The following GSK3B variants were observed in gnomAD, a reference collection of about 807,000 sequenced individuals.
GSK3B encodes glycogen synthase kinase 3 beta.
Under a neutral mutation model 56.4 loss-of-function variants are expected in GSK3B, and 15 were observed. That is an observed-to-expected ratio of 0.27 (90% CI 0.18 to 0.41). The LOEUF (loss-of-function observed/expected upper bound fraction) is 0.41. Ranked by LOEUF, GSK3B falls within the 10% of genes least tolerant of loss-of-function variation. The probability of loss-of-function intolerance (pLI) is 1.00; values close to 1 mark genes in which losing one functional copy is unlikely to be tolerated. For synonymous variants in GSK3B, 181 were observed against 188.9 expected, an observed-to-expected ratio of 0.96 and a Z score of 0.34; for missense variants, 300 against 513.4, an observed-to-expected ratio of 0.58 and a Z score of 4.02.
chr3:119,856,938 C>T lies in GSK3B; in HGVS notation c.1096+6481G>A, dbSNP rs770970211. Among the ~76,000 whole-genome samples the T allele has an allele frequency of 2.6e-4, 39 of 152,110 alleles. 1 individual carries two copies. Among genetic ancestry groups the T allele is most frequent in the Admixed American group, 4.6e-4 (7 of 15,282 alleles). On this transcript the variant is annotated intron_variant, in intron 9 of 10. Coordinates refer to ENST00000264235, the MANE Select transcript of GSK3B (RefSeq NM_001146156.2). ...CTACAGATTCAGTTTTAGACCACTACAATAAAGTGAGTCACGCAAATGTTT... is the reference window on the plus strand; with the variant it reads ...CTACAGATTCAGTTTTAGACCACTATAATAAAGTGAGTCACGCAAATGTTT...
rs371567466 is a variant in GSK3B at position 120,026,358 on chromosome 3, G to C, written c.89-24119C>G. Among the ~76,000 whole-genome samples the C allele has an allele frequency of 1.9e-4, 29 of 152,242 alleles. No individual in the cohort carries two copies. The South Asian group carries it at 5.8e-3, about 30-fold the overall frequency. On this transcript the variant is annotated intron_variant, in intron 1 of 10. Transcript: ENST00000264235. ...GAGCAGCGAAACAAAGGATACGGGA[G>C]AGAACTGAGGTAGTTTATAATCTAT...
At chr3:120,079,757 C>T (rs1424931236) in intron 1 of GSK3B, among the ~76,000 whole-genome samples, 1 of 152,074 alleles carries the variant, frequency 6.6e-6, no homozygotes, top group African/African-American at 2.4e-5. Flanking sequence ...TGATGTTCAA[C>T]TGAATTTAAA....
chr3:119,879,852 T>C (rs1455594955), intron 7 of GSK3B, among the ~76,000 whole-genome samples: 1 of 152,208 alleles, frequency 6.6e-6, no homozygotes, highest in Non-Finnish European at 1.5e-5. Context: ...TCTTTATCCA[T>C]TCATGAAGTG....
rs375821372 is a variant in GSK3B at position 120,070,011 on chromosome 3, G to A, written c.88+23336C>T. Reference sequence around the variant, plus strand: ...GGGTGGATCATGAGGTCAAGAGATCGAGACCATCCTGGCCAAAATGGCGAA... The same window carrying A: ...GGGTGGATCATGAGGTCAAGAGATCAAGACCATCCTGGCCAAAATGGCGAA... On this transcript the variant is annotated intron_variant, in intron 1 of 10. Transcript: ENST00000264235. Among the ~76,000 whole-genome samples, 76 of 152,158 alleles carry A rather than the reference G, an allele frequency of 5.0e-4. 1 individual carries two copies. In the East Asian group the frequency reaches 0.011, roughly 22 times the overall value.
At chr3:120,076,792 C>T (rs994366152) in intron 1 of GSK3B, among the ~76,000 whole-genome samples, 21 of 114,348 alleles carry the variant, frequency 1.8e-4, no homozygotes, top group South Asian at 3.1e-4. Flanking sequence ...CCAGCCTGGG[C>T]GACAGAGCGA....
At position 120,068,129 on chromosome 3, in the gene GSK3B, AT is replaced by A. The variant is rs2058295088; in HGVS notation, c.88+25217del. 2.0e-5 allele frequency among the ~76,000 whole-genome samples: 3 copies of A among 152,284 alleles called. No homozygotes were observed. In the South Asian group the frequency reaches 6.2e-4, roughly 32 times the overall value. On this transcript the variant is annotated intron_variant, in intron 1 of 10. Coordinates refer to ENST00000264235, the MANE Select transcript of GSK3B (RefSeq NM_001146156.2). ...TATTTGGGGCCAGGCGCGGTGGCTC[AT>A]GCCTGTAATCTCAGCACTTTGGGAG... is the stretch of plus-strand genomic sequence containing the variant.
chr3:120,061,517 GT>G (rs2058236540), intron 1 of GSK3B, among the ~76,000 whole-genome samples: 1 of 152,128 alleles, frequency 6.6e-6, no homozygotes, highest in Non-Finnish European at 1.5e-5. Context: ...CCACAGGAGT[GT>G]TAAGAAGATT....
At chr3:120,064,647 TG>T (rs2058265009) in intron 1 of GSK3B, among the ~76,000 whole-genome samples, 1 of 151,998 alleles carries the variant, frequency 6.6e-6, no homozygotes, top group Non-Finnish European at 1.5e-5. Context: ...TCTGCAGAAA[TG>T]AAAAAGGCAA....
chr3:120,032,769 C>A (rs898542391), intron 1 of GSK3B, among the ~76,000 whole-genome samples: 10 of 152,370 alleles, frequency 6.6e-5, no homozygotes, highest in Admixed American at 1.3e-4. Flanking sequence ...TTTATAACAT[C>A]TCATGTTAGT....
intron 1 of GSK3B, among the ~76,000 whole-genome samples, chr3:120,078,371 G>A (rs990294540): frequency 1.3e-5 from 2 of 152,044 alleles, no homozygotes; most frequent in African/African-American, 2.4e-5. Context: ...ACACAGTGCC[G>A]GAAGACAATC....
At chr3:120,090,497 A>AACAATAACTTG (rs2058502457) in intron 1 of GSK3B, among the ~76,000 whole-genome samples, 1 of 152,186 alleles carries the variant, frequency 6.6e-6, no homozygotes, top group Non-Finnish European at 1.5e-5. Context: ...TTAACAATAT[A>AACAATAACTTG]ACTTAGCAGT....
At chr3:120,032,956 CCAAT>C (rs2057990673) in intron 1 of GSK3B, among the ~76,000 whole-genome samples, 3 of 152,304 alleles carry the variant, frequency 2.0e-5, no homozygotes, top group South Asian at 4.1e-4. Context: ...AACCATCACC[CCAAT>C]CAATTTCATT....
At chr3:120,079,178 C>T (rs1455286572) in intron 1 of GSK3B, among the ~76,000 whole-genome samples, 8 of 149,406 alleles carry the variant, frequency 5.4e-5, no homozygotes, top group East Asian at 2.0e-4. Flanking sequence ...CTGACCTCAG[C>T]GATCCGCCCC....
chr3:119,967,311 CATG>C (rs982479302), intron 2 of GSK3B, among the ~76,000 whole-genome samples: 1 of 152,260 alleles, frequency 6.6e-6, no homozygotes, highest in African/African-American at 2.4e-5. Flanking sequence ...CTCCTGATCT[CATG>C]ATATGTCCGC....
At chr3:119,868,357 A>C (rs1186760947) in intron 8 of GSK3B, among the ~76,000 whole-genome samples, 1 of 152,246 alleles carries the variant, frequency 6.6e-6, no homozygotes, top group Non-Finnish European at 1.5e-5. Flanking sequence ...GAACAAATGC[A>C]AAGAAGTCCT....
intron 1 of GSK3B, among the ~76,000 whole-genome samples, chr3:120,043,921 A>T (rs538660047): frequency 6.6e-5 from 10 of 152,364 alleles, no homozygotes; most frequent in Non-Finnish European, 1.0e-4. Context: ...GTAGAAGCAG[A>T]TGATCTAAGG....
intron 1 of GSK3B, among the ~76,000 whole-genome samples, chr3:120,091,713 T>C (rs1340299185): frequency 2.0e-5 from 3 of 152,078 alleles, no homozygotes; most frequent in Non-Finnish European, 2.9e-5. Flanking sequence ...AATTTTAAAA[T>C]ATTTTTCAAA....
chr3:120,002,316 G>A (rs952616513), intron 1 of GSK3B, 77 bp from the exon 2 acceptor site: 2 of 683,432 alleles, frequency 2.9e-6, no homozygotes, highest in Admixed American at 3.0e-5. Flanking sequence ...AATATACAAG[G>A]TAAACTATAT....
intron 4 of GSK3B, among the ~76,000 whole-genome samples, chr3:119,919,698 C>T (rs567581996): frequency 4.6e-5 from 7 of 151,798 alleles, no homozygotes; most frequent in East Asian, 3.9e-4. Flanking sequence ...GCAAAAATAC[C>T]GTAAGTGCAC....
Sources: allele counts gnomAD v4.1 joint callset (sites outside exome capture counted in the v4.1 genomes callset), GRCh38; gene constraint gnomAD v4.1.1; transcripts MANE v1.5; gene names NCBI Gene and HGNC (gene_info 2026-07-23, HGNC 2026-07-21).